ATP11C: variants seen among roughly 807,000 people sequenced by gnomAD.
ATP11C encodes the protein phospholipid-transporting ATPase IG.
Under a neutral mutation model 97.4 loss-of-function variants are expected in ATP11C, and 36 were observed. The ratio of observed to expected loss-of-function variants is 0.37; its 90% CI spans 0.28 to 0.49. The LOEUF is 0.49. ATP11C is among the 20% of genes least tolerant of loss of function. The pLI is 0.98. For synonymous variants in ATP11C, 275 were observed against 290.9 expected (o/e 0.95, Z 0.56); for missense variants, 730 against 824.6 (o/e 0.89, Z 1.40).
intron 1 of ATP11C, among the ~76,000 whole-genome samples, chrX:139,851,536 T>C (rs771509826): frequency 6.3e-5 from 7 of 111,344 alleles, no homozygotes; most frequent in Admixed American, 2.8e-4. Flanking sequence ...AATAGGGAAA[T>C]GCATAGTGGA....
chrX:139,853,091 T>A (rs1037662555), intron 1 of ATP11C, among the ~76,000 whole-genome samples: 1 of 111,563 alleles, frequency 9.0e-6, no homozygotes. Context: ...AGGCGAGACA[T>A]CCCTGGTTTC....
At chrX:139,897,931 C>CAA (rs376963849) in intron 1 of ATP11C, among the ~76,000 whole-genome samples, 3 of 72,522 alleles carry the variant, frequency 4.1e-5, no homozygotes, top group Non-Finnish European at 8.1e-5. Flanking sequence ...AACCCTGTGT[C>CAA]AAAAAAAAAA....
At chrX:139,853,933 C>T (rs182112795) in intron 1 of ATP11C, among the ~76,000 whole-genome samples, 9 of 107,677 alleles carry the variant, frequency 8.4e-5, no homozygotes, top group Admixed American at 1.0e-4. Context: ...ACATTAACGA[C>T]GGATAATTCC....
intron 17 of ATP11C, 33 bp downstream of exon 17, chrX:139,783,131 T>C: frequency 2.1e-6 from 2 of 948,063 alleles, no homozygotes; most frequent in Non-Finnish European, 1.5e-6. Context: ...TTTCTCTGCT[T>C]ACTTATTGGT....
intron 15 of ATP11C, among the ~76,000 whole-genome samples, chrX:139,786,626 C>G (rs917096331): frequency 1.8e-5 from 2 of 112,621 alleles, no homozygotes; most frequent in Non-Finnish European, 3.8e-5. Context: ...AAATTAATCA[C>G]AGAGCCTAAT....
chrX:139,826,631 C>T (rs1476466183), intron 2 of ATP11C, 73 bp downstream of exon 2: 3 of 975,022 alleles, frequency 3.1e-6, no homozygotes, highest in Non-Finnish European at 4.2e-6. Context: ...CATCAGTTTC[C>T]TCAGAAGCAC....
At chrX:139,934,727 A>G (rs1395951253), upstream of ATP11C, among the ~76,000 whole-genome samples, 3 of 109,407 alleles carry the variant, frequency 2.7e-5, no homozygotes, top group Admixed American at 2.9e-4. Flanking sequence ...TAATTTTTGT[A>G]TTTTTAGTAG....
chrX:139,920,062 C>T (rs747557062), intron 1 of ATP11C, among the ~76,000 whole-genome samples: 54 of 111,295 alleles, frequency 4.9e-4, no homozygotes, highest in African/African-American at 1.7e-3. Flanking sequence ...GTATTCTCTG[C>T]CTTCAAAAGG....
At chrX:139,787,367 G>A (rs41310472) in intron 14 of ATP11C, 123 bp from the exon 15 acceptor site, 6,624 of 472,432 alleles carry the variant, frequency 0.014, 66 homozygotes, top group Non-Finnish European at 0.019. Flanking sequence ...GCGCGATCTC[G>A]GCTCACTGCA....
intron 26 of ATP11C, among the ~76,000 whole-genome samples, chrX:139,741,794 A>G (rs1334024990): frequency 2.7e-5 from 3 of 111,773 alleles, no homozygotes; most frequent in Non-Finnish European, 5.6e-5. Context: ...AATGTGATCT[A>G]AAAACAAAAG....
intron 25 of ATP11C, among the ~76,000 whole-genome samples, chrX:139,745,427 C>T (rs1239936587): frequency 3.6e-5 from 4 of 111,887 alleles, no homozygotes; most frequent in Non-Finnish European, 7.5e-5. Flanking sequence ...ACCTTTCTCA[C>T]ATCAAAGAGC....
chrX:139,757,688 A>G, intron 23 of ATP11C, 120 bp downstream of exon 23: 1 of 438,091 alleles, frequency 2.3e-6, no homozygotes, highest in Non-Finnish European at 3.6e-6. Context: ...GCTGTTGTCA[A>G]AACCAAGAGA....
intron 1 of ATP11C, among the ~76,000 whole-genome samples, chrX:139,879,053 T>C (rs926169146): frequency 1.8e-5 from 2 of 111,079 alleles, no homozygotes; most frequent in African/African-American, 6.6e-5. Flanking sequence ...GAGGCTACAG[T>C]GAGCCACGAT....
chrX:139,832,253 T>C (rs776022546), intron 1 of ATP11C: 5 of 1,194,976 alleles, frequency 4.2e-6, no homozygotes, highest in Non-Finnish European at 5.6e-6. Context: ...CTGCAGATTA[T>C]CAAGCAACTT....
intron 16 of ATP11C, among the ~76,000 whole-genome samples, chrX:139,784,760 T>A (rs1275260086): frequency 1.8e-5 from 2 of 111,214 alleles, no homozygotes; most frequent in African/African-American, 6.5e-5. Context: ...TAGTCCTCTC[T>A]ACCTCACCTG....
chrX:139,873,537 G>A lies in ATP11C; in HGVS notation c.28-46714C>T, dbSNP rs775541429. Reference sequence around the variant, plus strand: ...AGCCTGGCCAACATGGCAAAAACAGGTCTCTACTAAAAATACAAAAATTAG... The same window carrying A: ...AGCCTGGCCAACATGGCAAAAACAGATCTCTACTAAAAATACAAAAATTAG... On this transcript the variant is annotated intron_variant, in intron 1 of 29. Coordinates refer to ENST00000682941, the MANE Select transcript of ATP11C (RefSeq NM_001353812.2). 1.0e-4 allele frequency among the ~76,000 whole-genome samples: 11 copies of A among 108,636 alleles called. No homozygotes were observed. In the East Asian group the frequency reaches 1.5e-3, roughly 14 times the overall value. 94.3% of individuals were successfully genotyped at this position (108,636 alleles called of 115,157 possible). A position where few individuals can be genotyped will look rare whatever the true frequency, so the allele number is the denominator to read the frequency against.
intron 12 of ATP11C, among the ~76,000 whole-genome samples, chrX:139,795,533 T>C (rs2082775352): frequency 9.0e-6 from 1 of 111,257 alleles, no homozygotes; most frequent in African/African-American, 3.3e-5. Context: ...GTCATGAGAA[T>C]AAAATGCAAG....
rs773163474 is a variant in ATP11C at position 139,746,233 on chromosome X, TAAG to T, written c.2829-379_2829-377del. 8.2e-3 allele frequency among the ~76,000 whole-genome samples: 914 copies of T among 111,994 alleles called. 14 individuals are homozygous for T. The highest frequency in any genetic ancestry group is 0.029 in the African/African-American group (882 of 30,820). On this transcript the variant is annotated intron_variant, in intron 24 of 29. Coordinates refer to ENST00000682941, the MANE Select transcript of ATP11C (RefSeq NM_001353812.2). ...TACTACCACTCACATTTGCTAATAA[TAAG>T]GAGCCTCAGAAAGGTGTAACACAAT...
At chrX:139,770,727 C>A (rs960493930) in intron 19 of ATP11C, among the ~76,000 whole-genome samples, 3 of 110,813 alleles carry the variant, frequency 2.7e-5, no homozygotes, top group African/African-American at 9.9e-5. Context: ...AGACTGTGCC[C>A]GACTCCAAAC....
Sources: gnomAD v4.1 joint callset for allele counts (sites outside exome capture counted in the v4.1 genomes callset) on GRCh38, gnomAD v4.1.1 for gene constraint, MANE v1.5 for transcripts, NCBI Gene and HGNC (gene_info 2026-07-23, HGNC 2026-07-21) for gene names.